The following LIPI variants were observed in gnomAD, a reference collection of about 807,000 sequenced individuals.
LIPI encodes lipase member I.
LIPI carries 59 observed loss-of-function variants against 50.6 expected under a neutral mutation model. The observed-to-expected ratio is 1.16, with a 90% CI of 0.94 to 1.45. The LOEUF is 1.45. Among genes scored for constraint, LIPI ranks in the 40% most tolerant of loss-of-function variants. LIPI has a pLI of 0.00. For missense variants in LIPI, 586 were observed against 536.3 expected (o/e 1.09, Z -0.92); for synonymous variants, 203 against 178.2 (o/e 1.14, Z -1.11).
chr21:14,166,833 T>C (rs569293584), intron 4 of LIPI, among the ~76,000 whole-genome samples: 18 of 152,296 alleles, frequency 1.2e-4, no homozygotes, highest in African/African-American at 4.3e-4. Flanking sequence ...ACCGGGTTCA[T>C]CTCACTAGGG....
chr21:14,187,355 C>T (rs2019492056), intron 2 of LIPI, among the ~76,000 whole-genome samples: 1 of 152,054 alleles, frequency 6.6e-6, no homozygotes, highest in Non-Finnish European at 1.5e-5. Context: ...GCGCTTGCCA[C>T]TAATGAAAAA....
At chr21:14,154,345 T>A (rs1012478168) in intron 7 of LIPI, among the ~76,000 whole-genome samples, 2 of 152,030 alleles carry the variant, frequency 1.3e-5, no homozygotes, top group African/African-American at 4.8e-5. Flanking sequence ...TCTTTTCATT[T>A]CTGACTGAGG....
intron 9 of LIPI, among the ~76,000 whole-genome samples, chr21:14,138,319 GCTGT>G (rs2017582465): frequency 6.6e-6 from 1 of 152,052 alleles, no homozygotes; most frequent in African/African-American, 2.4e-5. Flanking sequence ...CTGCATATTG[GCTGT>G]CTAAGTTTAT....
At chr21:14,175,392 A>C (rs928743892) in intron 4 of LIPI, among the ~76,000 whole-genome samples, 3 of 152,114 alleles carry the variant, frequency 2.0e-5, no homozygotes, top group African/African-American at 7.2e-5. Flanking sequence ...GCCTATTCAG[A>C]ATGTATCCTT....
chr21:14,116,906 G>T (rs1408932520), intron 9 of LIPI, among the ~76,000 whole-genome samples: 1 of 152,180 alleles, frequency 6.6e-6, no homozygotes, highest in Non-Finnish European at 1.5e-5. Context: ...CGCCAGAGGA[G>T]CTAGAGACTC....
chr21:14,160,556 C>T (rs2018426710), intron 7 of LIPI, among the ~76,000 whole-genome samples: 2 of 151,140 alleles, frequency 1.3e-5, no homozygotes, highest in Admixed American at 1.3e-4. Context: ...GAAAAAATTA[C>T]AGGAGAAAAC....
intron 6 of LIPI, 113 bp downstream of exon 6, chr21:14,165,099 TCCATAAAATGG>T: frequency 1.4e-6 from 1 of 710,370 alleles, no homozygotes; most frequent in Non-Finnish European, 2.5e-6. Context: ...AGATGATTTT[TCCATAAAATGG>T]TCATGTATTA....
intron 7 of LIPI, among the ~76,000 whole-genome samples, chr21:14,158,291 C>T (rs1180887849): frequency 2.0e-5 from 3 of 151,560 alleles, no homozygotes; most frequent in African/African-American, 7.3e-5. Context: ...AGGTCAGTAA[C>T]AGACAACAGG....
intron 9 of LIPI, among the ~76,000 whole-genome samples, chr21:14,125,218 GTAAA>G (rs1302148271): frequency 6.6e-6 from 1 of 152,108 alleles, no homozygotes; most frequent in Non-Finnish European, 1.5e-5. Flanking sequence ...GACTCTGTGG[GTAAA>G]TAAATAAGCT....
chr21:14,151,944 C>T (rs1020101856), intron 8 of LIPI, among the ~76,000 whole-genome samples: 4 of 151,944 alleles, frequency 2.6e-5, no homozygotes, highest in Non-Finnish European at 4.4e-5. Flanking sequence ...AAAGAAGTCA[C>T]ATCACTGTGA....
intron 7 of LIPI, among the ~76,000 whole-genome samples, chr21:14,163,011 T>C (rs543121960): frequency 1.6e-4 from 25 of 151,562 alleles, no homozygotes; most frequent in Admixed American, 1.6e-3. Context: ...TCTAAATGTA[T>C]TATGAGGATT....
chr21:14,191,373 T>C (rs2019669339), intron 1 of LIPI, among the ~76,000 whole-genome samples: 2 of 96,382 alleles, frequency 2.1e-5, no homozygotes, highest in Non-Finnish European at 4.2e-5. Context: ...CAAGACTCCG[T>C]CTCAAAAAAA....
chr21:14,181,777 G>T lies in LIPI; in HGVS notation c.624C>A (p.Val208=). The T allele has an allele frequency of 6.2e-7, 1 of 1,605,798 alleles. No individual in the cohort carries two copies. Among genetic ancestry groups the T allele is most frequent in the South Asian group, 1.1e-5 (1 of 90,816 alleles). Residue 208 remains valine, a synonymous_variant, in exon 4 of 10, where the codon GTC becomes GTA. Coordinates refer to ENST00000681601, the MANE Select transcript of LIPI (RefSeq NM_001302998.2). ...TGTTACCATTGGAGTCAGAATGGATGACATCCACAAACTTTGCATCCGTGT... is the reference window on the plus strand; with the variant it reads ...TGTTACCATTGGAGTCAGAATGGATTACATCCACAAACTTTGCATCCGTGT... The part of the protein sequence containing the change: ...LDYTDAKFVD[V]IHSDSNGLGI...
chr21:14,180,137 T>C (rs1455234475), intron 4 of LIPI, among the ~76,000 whole-genome samples: 1 of 152,148 alleles, frequency 6.6e-6, no homozygotes, highest in Non-Finnish European at 1.5e-5. Flanking sequence ...TCTCCTGCAG[T>C]ACCCTCAGGC....
chr21:14,110,269 TCAC>T (rs1429263116), intron 9 of LIPI, among the ~76,000 whole-genome samples: 3 of 151,868 alleles, frequency 2.0e-5, no homozygotes, highest in African/African-American at 7.2e-5. Context: ...GCTCAACCTA[TCAC>T]CACATCTGTC....
At chr21:14,143,577 C>T (rs2017791988) in intron 9 of LIPI, 1 of 151,790 alleles carries the variant, frequency 6.6e-6, no homozygotes, top group Non-Finnish European at 1.5e-5. Context: ...AATACAGGAA[C>T]ATAAAGAGAA....
chr21:14,157,252 G>T (rs2018307086), intron 7 of LIPI, among the ~76,000 whole-genome samples: 1 of 151,912 alleles, frequency 6.6e-6, no homozygotes, highest in South Asian at 2.1e-4. Flanking sequence ...CCCATGTTAA[G>T]AAATTTATCA....
chr21:14,196,929 G>C (rs1268979178), intron 1 of LIPI, among the ~76,000 whole-genome samples: 3 of 151,698 alleles, frequency 2.0e-5, no homozygotes, highest in African/African-American at 7.3e-5. Context: ...CATAGTAAAG[G>C]TCCAATACTT....
intron 4 of LIPI, among the ~76,000 whole-genome samples, chr21:14,178,475 T>A (rs1169751148): frequency 1.3e-5 from 2 of 152,196 alleles, no homozygotes; most frequent in Non-Finnish European, 2.9e-5. Flanking sequence ...CTATTTCTAA[T>A]TTTCTGTTAA....
Sources: gnomAD v4.1 joint callset for allele counts (sites outside exome capture counted in the v4.1 genomes callset) on GRCh38, gnomAD v4.1.1 for gene constraint, MANE v1.5 for transcripts, NCBI Gene and HGNC (gene_info 2026-07-23, HGNC 2026-07-21) for gene names.